The following ASPA variants were observed in gnomAD, a reference collection of about 807,000 sequenced individuals.
ASPA encodes the protein aspartoacylase, also known as ACY-2.
ASPA carries 25 observed loss-of-function variants against 29.6 expected under a neutral mutation model. The observed-to-expected ratio is 0.85, with a 90% CI of 0.62 to 1.18. The LOEUF (loss-of-function observed/expected upper bound fraction) is 1.18. Ranked by LOEUF, ASPA falls within the 50% of genes most tolerant of loss-of-function variation. The pLI is 0.00. For missense variants in ASPA, 333 were observed against 385.7 expected, an observed-to-expected ratio of 0.86 and a Z score of 1.14; for synonymous variants, 131 against 130.3, an observed-to-expected ratio of 1.01 and a Z score of -0.04.
At chr17:3,486,980 T>A (rs1402647678) in intron 3 of ASPA, among the ~76,000 whole-genome samples, 2 of 152,172 alleles carry the variant, frequency 1.3e-5, no homozygotes, top group Non-Finnish European at 2.9e-5. Flanking sequence ...AAGTCTCAAA[T>A]GAGACCACGG....
intron 4 of ASPA, among the ~76,000 whole-genome samples, chr17:3,491,315 CTT>C (rs1223178744): frequency 6.6e-6 from 1 of 151,860 alleles, no homozygotes; most frequent in Admixed American, 6.6e-5. Flanking sequence ...AGGTAATGGT[CTT>C]TTTTTTCTGC....
chr17:3,476,804 T>C (rs1239387938), intron 1 of ASPA, among the ~76,000 whole-genome samples: 1 of 152,254 alleles, frequency 6.6e-6, no homozygotes, highest in African/African-American at 2.4e-5. Flanking sequence ...CAAGCAACTA[T>C]GCTTACGGTA....
At position 3,494,331 on chromosome 17, in the gene ASPA, CA is replaced by C; in HGVS notation, c.635-18del. On this transcript the variant is annotated intron_variant, in intron 4 of 5. Coordinates refer to ENST00000263080, the MANE Select transcript of ASPA (RefSeq NM_000049.4). Reference sequence around the variant, plus strand: ...GAGATGTTTTTAGTTGCCATTGATACATATTGTTTTTGTCATAGGAAAAGAA... The same window carrying C: ...GAGATGTTTTTAGTTGCCATTGATACTATTGTTTTTGTCATAGGAAAAGAA... 1 of 1,556,278 alleles carries C rather than the reference CA, an allele frequency of 6.4e-7. No individual in the cohort carries two copies. Among genetic ancestry groups the C allele is most frequent in the East Asian group, 2.2e-5 (1 of 44,618 alleles).
At chr17:3,489,551 A>G (rs968472720) in intron 4 of ASPA, among the ~76,000 whole-genome samples, 1 of 151,388 alleles carries the variant, frequency 6.6e-6, no homozygotes, top group Admixed American at 6.6e-5. Context: ...ATTTCCTGCT[A>G]ATCTCCATTT....
chr17:3,493,898 G>T (rs1038768758), intron 4 of ASPA, among the ~76,000 whole-genome samples: 1 of 152,114 alleles, frequency 6.6e-6, no homozygotes, highest in Non-Finnish European at 1.5e-5. Context: ...AATCATTCAA[G>T]GACATCTTTT....
At chr17:3,494,538 C>G in intron 5 of ASPA, 79 bp downstream of exon 5, 1 of 1,209,114 alleles carries the variant, frequency 8.3e-7, no homozygotes, top group Non-Finnish European at 1.2e-6. Flanking sequence ...TCATACAGCA[C>G]TTCGCGTACA....
At chr17:3,498,585 G>A (rs2073947090) in intron 5 of ASPA, among the ~76,000 whole-genome samples, 2 of 152,096 alleles carry the variant, frequency 1.3e-5, no homozygotes, top group Admixed American at 1.3e-4. Context: ...AGGCTCAAGC[G>A]ATCCACCCAC....
intron 5 of ASPA, among the ~76,000 whole-genome samples, chr17:3,498,154 T>C (rs2073938381): frequency 6.6e-6 from 1 of 152,212 alleles, no homozygotes; most frequent in Non-Finnish European, 1.5e-5. Flanking sequence ...CTCATTTTTA[T>C]ATTTCCCAAC....
chr17:3,486,216 G>A (rs1207112434), intron 3 of ASPA, among the ~76,000 whole-genome samples: 2 of 152,170 alleles, frequency 1.3e-5, no homozygotes, highest in East Asian at 3.9e-4. Context: ...TTACAGGCGT[G>A]AGCCACCGCA....
chr17:3,490,921 A>G lies in ASPA; in HGVS notation c.634+1579A>G, dbSNP rs16953074. ...TCTGTGTAACATTTCATTTAAGCAA[A>G]GGATTCGGCAAATCAAAAATTGTCA... is the stretch of plus-strand genomic sequence containing the variant. On this transcript the variant is annotated intron_variant, in intron 4 of 5. Transcript: ENST00000263080. This position sits in a 1 kb window ranked among gnomAD's most constrained non-coding sequence, Gnocchi z 4.6. Among the ~76,000 whole-genome samples the G allele has an allele frequency of 0.052, 7,905 of 152,192 alleles. 583 individuals are homozygous for G. The highest frequency in any genetic ancestry group is 0.17 in the African/African-American group (6,871 of 41,478).
At chr17:3,484,619 G>T (rs2073688211) in intron 3 of ASPA, among the ~76,000 whole-genome samples, 1 of 152,194 alleles carries the variant, frequency 6.6e-6, no homozygotes. Context: ...TTTCCAATCT[G>T]CTATAGAGCA....
At chr17:3,494,546 A>G in intron 5 of ASPA, 87 bp downstream of exon 5, 3 of 1,111,478 alleles carry the variant, frequency 2.7e-6, no homozygotes, top group Non-Finnish European at 4.1e-6. Context: ...CACTTCGCGT[A>G]CATTCGCCCA....
chr17:3,494,337 G>T lies in ASPA; in HGVS notation c.635-13G>T. ...TTTTTAGTTGCCATTGATACATATTGTTTTTGTCATAGGAAAAGAATTTCC... is the reference window on the plus strand; with the variant it reads ...TTTTTAGTTGCCATTGATACATATTTTTTTTGTCATAGGAAAAGAATTTCC... On this transcript the variant is annotated splice_polypyrimidine_tract_variant and intron_variant, in intron 4 of 5. Transcript: ENST00000263080. 6.3e-7 allele frequency: 1 copy of T among 1,579,858 alleles called. No individual in the cohort carries two copies. The highest frequency in any genetic ancestry group is 8.7e-7 in the Non-Finnish European group (1 of 1,149,008).
chr17:3,481,586 C>A lies in ASPA; in HGVS notation c.237-17C>A, dbSNP rs755062662. ...AGGCACAGATGTTGTTCATCTTTTT[C>A]TTTCTGCTTATAACAGCAAAAAAAT... On this transcript the variant is annotated splice_polypyrimidine_tract_variant and intron_variant, in intron 1 of 5. Coordinates refer to ENST00000263080, the MANE Select transcript of ASPA (RefSeq NM_000049.4). 3.1e-6 allele frequency: 5 copies of A among 1,607,976 alleles called. No individual in the cohort carries two copies. The highest frequency in any genetic ancestry group is 1.1e-5 in the South Asian group (1 of 90,486).
chr17:3,491,278 T>C (rs1359335246), intron 4 of ASPA, among the ~76,000 whole-genome samples: 1 of 152,200 alleles, frequency 6.6e-6, no homozygotes, highest in Non-Finnish European at 1.5e-5. Flanking sequence ...TTTGTTCTTA[T>C]GTTTAAAAAA....
In ASPA at chr17:3,502,566, A is replaced by G. The variant is rs1329649236; in HGVS notation, c.*3478A>G. ...ACTTTTAAGTGCTGTTTTGTAGATG[A>G]AATATGAAAGAGAAACAAGGGCTTA... On this transcript the variant is annotated 3_prime_UTR_variant, in exon 6 of 6. Transcript: ENST00000263080. The G allele has an allele frequency of 6.6e-6, 1 of 152,200 alleles. No individual in the cohort carries two copies. Among genetic ancestry groups the G allele is most frequent in the Non-Finnish European group, 1.5e-5 (1 of 68,044 alleles). The allele number at this position is 152,200 out of a possible 1,614,324, so 9.4% of individuals were successfully genotyped here. A position where few individuals can be genotyped will look rare whatever the true frequency, so the allele number is the denominator to read the frequency against.
rs182727202 is a variant in ASPA, at chr17:3,492,222, C to T, written c.635-2128C>T. Among the ~76,000 whole-genome samples the T allele has an allele frequency of 3.4e-3, 520 of 152,276 alleles. 2 individuals carry two copies. Among genetic ancestry groups the T allele is most frequent in the Non-Finnish European group, 5.5e-3 (372 of 68,026 alleles). ...AAAAGCTGAGCAGCAATGAAACGGGCCACACTTTTTGAGGCTGTAAGAAGT... is the reference window on the plus strand; with the variant it reads ...AAAAGCTGAGCAGCAATGAAACGGGTCACACTTTTTGAGGCTGTAAGAAGT... On this transcript the variant is annotated intron_variant, in intron 4 of 5. Coordinates refer to ENST00000263080, the MANE Select transcript of ASPA (RefSeq NM_000049.4).
chr17:3,478,701 G>C (rs2073574655), intron 1 of ASPA, among the ~76,000 whole-genome samples: 1 of 152,150 alleles, frequency 6.6e-6, no homozygotes, highest in African/African-American at 2.4e-5. Context: ...TCAGAGACTA[G>C]ACTGTTCCCA....
intron 2 of ASPA, among the ~76,000 whole-genome samples, chr17:3,483,056 AT>A (rs1371934094): frequency 1.3e-5 from 2 of 151,058 alleles, no homozygotes; most frequent in African/African-American, 4.9e-5. Context: ...CCTGTCTTCA[AT>A]TTTCATGCAG....
Sources: gnomAD v4.1 joint callset for allele counts (sites outside exome capture counted in the v4.1 genomes callset) on GRCh38, gnomAD v4.1.1 for gene constraint, Gnocchi (gnomAD v3.1) non-coding constraint, MANE v1.5 for transcripts, NCBI Gene and HGNC (gene_info 2026-07-23, HGNC 2026-07-21) for gene names.